Variants in CBLC observed in about 807,000 individuals in gnomAD.
The protein encoded by CBLC is Cbl proto-oncogene C, also known as E3 ubiquitin-protein ligase CBL-C.
CBLC carries 46 observed loss-of-function variants against 58.6 expected under a neutral mutation model. That is an observed-to-expected ratio of 0.79 (90% CI 0.62 to 1.00). The LOEUF is 1.00. Among genes scored for constraint, CBLC ranks in the 50% least tolerant of loss-of-function variants. The pLI is 0.00. For synonymous variants in CBLC, 271 were observed against 264.2 expected, an observed-to-expected ratio of 1.03 and a Z score of -0.25; for missense variants, 655 against 625.8, an observed-to-expected ratio of 1.05 and a Z score of -0.50.
chr19:44,792,334 G>A (rs773047410), intron 6 of CBLC, 49 bp from the exon 7 acceptor site: 21 of 1,605,804 alleles, frequency 1.3e-5, no homozygotes, highest in Middle Eastern at 1.7e-4. Context: ...TTGTGTCCCC[G>A]TGGCTGACGC....
In CBLC at chr19:44,781,012, C is replaced by G; in HGVS notation, c.461C>G (p.Ala154Gly). Residue 154 changes from alanine to glycine, a missense_variant, in exon 2 of 11, where the codon GCC (alanine) becomes GGC (glycine). Physicochemically the swap from Ala to Gly is moderately conservative, Grantham distance 60. Coordinates refer to ENST00000647358, the MANE Select transcript of CBLC (RefSeq NM_012116.4). ...GGACACATGTACCAGCTCACCAAGG[C>G]CCCCGCCCACACCTTCTGGAGGGAA... is the stretch of plus-strand genomic sequence containing the variant. ...YCGHMYQLTKAPAHTFWRESC... is the reference protein window; with the variant it reads ...YCGHMYQLTKGPAHTFWRESC... 6.2e-7 allele frequency: 1 copy of G among 1,613,376 alleles called. No individual in the cohort carries two copies. The highest frequency in any genetic ancestry group is 8.5e-7 in the Non-Finnish European group (1 of 1,179,960).
At chr19:44,791,134 A>G (rs1297920283) in intron 6 of CBLC, among the ~76,000 whole-genome samples, 1 of 151,824 alleles carries the variant, frequency 6.6e-6, no homozygotes, top group Non-Finnish European at 1.5e-5. Context: ...AGAAAAAAAA[A>G]AAGAAAGAAA....
intron 5 of CBLC, among the ~76,000 whole-genome samples, chr19:44,787,010 G>A (rs10426226): frequency 0.1 from 15,221 of 151,968 alleles, 1,182 homozygotes; most frequent in African/African-American, 0.22. Flanking sequence ...GCTTGAACCC[G>A]GGAGGTTGAG....
rs111617296 is a variant in CBLC, at chr19:44,782,557, C to A, written c.779+66C>A. On this transcript the variant is annotated intron_variant, in intron 4 of 10. Coordinates refer to ENST00000647358, the MANE Select transcript of CBLC (RefSeq NM_012116.4). Reference sequence around the variant, plus strand: ...CAGGGATCTGGGCTCTGGGCTGGTGCGTGGTGGAGCCCAGATGTCCTTCCA... The same window carrying A: ...CAGGGATCTGGGCTCTGGGCTGGTGAGTGGTGGAGCCCAGATGTCCTTCCA... 25 of 1,336,548 alleles carry A rather than the reference C, an allele frequency of 1.9e-5. No individual in the cohort carries two copies. In the Admixed American group the frequency reaches 4.1e-4, roughly 22 times the overall value. 82.8% of individuals were successfully genotyped at this position (1,336,548 alleles called of 1,614,324 possible). A position where few individuals can be genotyped will look rare whatever the true frequency, so the allele number is the denominator to read the frequency against.
Position 44,790,001 on chromosome 19 carries a change from C to T in CBLC, c.918-3C>T, listed in dbSNP as rs1195272225. 1 of 1,611,622 alleles carries T rather than the reference C, an allele frequency of 6.2e-7. No homozygotes were observed. Among genetic ancestry groups the T allele is most frequent in the Admixed American group, 1.7e-5 (1 of 59,962 alleles). ...CCAGTCCCCCTCTCTTCCCTTCCCC[C>T]AGCTACCTCTACCCAGATGGAAAGA... On this transcript the variant is annotated splice_polypyrimidine_tract_variant and splice_region_variant and intron_variant, in intron 5 of 10. Coordinates refer to ENST00000647358, the MANE Select transcript of CBLC (RefSeq NM_012116.4).
At chr19:44,799,743 AAG>A (rs201152826) in intron 9 of CBLC, among the ~76,000 whole-genome samples, 13 of 151,426 alleles carry the variant, frequency 8.6e-5, no homozygotes, top group South Asian at 2.1e-4. Flanking sequence ...AGAGAAAGGA[AAG>A]AGAGAGAAAT....
At chr19:44,796,253 T>C (rs1228438682) in intron 9 of CBLC, among the ~76,000 whole-genome samples, 1 of 151,994 alleles carries the variant, frequency 6.6e-6, no homozygotes, top group African/African-American at 2.4e-5. Context: ...CCTCTCCCCA[T>C]TTTCCAGAGG....
chr19:44,782,484 C>G lies in CBLC; in HGVS notation c.772C>G (p.Pro258Ala). The G allele has an allele frequency of 6.2e-7, 1 of 1,613,300 alleles. No individual in the cohort carries two copies. Among genetic ancestry groups the G allele is most frequent in the African/African-American group, 1.3e-5 (1 of 74,970 alleles). ...GCGTCTGCAGGCCTGCAGGGACAAGCCAGGCAGGTAAAGGGTCCAGGGCTC... is the reference window on the plus strand; with the variant it reads ...GCGTCTGCAGGCCTGCAGGGACAAGGCAGGCAGGTAAAGGGTCCAGGGCTC... ...QERLQACRDK[P>A]GSYIFRPSCT... Residue 258 changes from proline (P) to alanine (A), a missense_variant, in exon 4 of 11, where the codon CCA becomes GCA. Transcript: ENST00000647358.
chr19:44,793,914 C>A (rs1968121446), intron 8 of CBLC, among the ~76,000 whole-genome samples: 1 of 151,972 alleles, frequency 6.6e-6, no homozygotes, highest in African/African-American at 2.4e-5. Flanking sequence ...GCCCGGACTC[C>A]TGGGTCTGAG....
chr19:44,781,191 C>T lies in CBLC; in HGVS notation c.501-16C>T, dbSNP rs1967719098. 6.2e-7 allele frequency: 1 copy of T among 1,602,296 alleles called. No homozygotes were observed. The highest frequency in any genetic ancestry group is 8.5e-7 in the Non-Finnish European group (1 of 1,173,326). On this transcript the variant is annotated splice_polypyrimidine_tract_variant and intron_variant, in intron 2 of 10. Transcript: ENST00000647358. The stretch of plus-strand genomic sequence containing the variant: ...GGAGGCCTCAGCGGTGTCTCCCCCA[C>T]CCCTCTCCCACCCAGGTGTGTGCTG...
rs748913 is a variant in CBLC at position 44,800,321 on chromosome 19, G to A, written c.1363-60G>A. On this transcript the variant is annotated intron_variant, in intron 9 of 10. Transcript: ENST00000647358. ...TAAGACAAAGGGGACAGGGAAGAGG[G>A]GCAGAGGGAAAGATTGGATGCCGGG... The A allele has an allele frequency of 2.2e-4, 264 of 1,186,200 alleles. 1 individual carries two copies. Among genetic ancestry groups the A allele is most frequent in the Non-Finnish European group, 4.7e-5 (37 of 791,012 alleles). 73.5% of individuals were successfully genotyped at this position (1,186,200 alleles called of 1,614,324 possible). A position where few individuals can be genotyped will look rare whatever the true frequency, so the allele number is the denominator to read the frequency against.
chr19:44,791,456 G>A (rs899304812), intron 6 of CBLC, among the ~76,000 whole-genome samples: 2 of 152,146 alleles, frequency 1.3e-5, no homozygotes, highest in Admixed American at 6.6e-5. Flanking sequence ...GACATGGCCG[G>A]GCGAGGTGGC....
At chr19:44,786,273 C>G (rs530567020) in intron 5 of CBLC, among the ~76,000 whole-genome samples, 1 of 151,756 alleles carries the variant, frequency 6.6e-6, no homozygotes, top group African/African-American at 2.4e-5. Context: ...ACATAGTAAC[C>G]TTTATGTATG....
intron 1 of CBLC, among the ~76,000 whole-genome samples, chr19:44,780,475 T>TTTTC (rs1967691397): frequency 6.8e-6 from 1 of 146,438 alleles, no homozygotes; most frequent in African/African-American, 2.5e-5. Context: ...TTTAATTTTT[T>TTTTC]TTTTTTTTTT....
intron 1 of CBLC, among the ~76,000 whole-genome samples, chr19:44,780,030 A>G (rs1393011543): frequency 2.0e-5 from 3 of 152,304 alleles, no homozygotes; most frequent in Middle Eastern, 3.4e-3. Flanking sequence ...TGGAAGGCAG[A>G]GCTGACTAGT....
chr19:44,781,044 GGAGCC>G lies in CBLC; in HGVS notation c.494_498del (p.Gly165AlafsTer8). 6.2e-7 allele frequency: 1 copy of G among 1,611,912 alleles called. No individual in the cohort carries two copies. The highest frequency in any genetic ancestry group is 8.5e-7 in the Non-Finnish European group (1 of 1,179,634). ...CCACACCTTCTGGAGGGAAAGTTGC[GGAGCC>G]CGGTGAGTAAGCCCTTGTCCTCAGC... On this transcript the variant is annotated frameshift_variant and splice_region_variant, in exon 2 of 11. Transcript: ENST00000647358. LOFTEE classifies it high-confidence loss of function.
chr19:44,780,325 A>G (rs1186536425), intron 1 of CBLC, among the ~76,000 whole-genome samples: 1 of 151,386 alleles, frequency 6.6e-6, no homozygotes, highest in Non-Finnish European at 1.5e-5. Context: ...TATTAGAGAC[A>G]GGGTTTCACC....
intron 9 of CBLC, among the ~76,000 whole-genome samples, chr19:44,794,736 T>G (rs1968145623): frequency 6.6e-6 from 1 of 152,000 alleles, no homozygotes; most frequent in Admixed American, 6.6e-5. Context: ...GTGCGGGGAT[T>G]ACAGGAGTGA....
chr19:44,786,553 C>T (rs149807603), intron 5 of CBLC, among the ~76,000 whole-genome samples: 2,518 of 150,120 alleles, frequency 0.017, 39 homozygotes, highest in South Asian at 0.046. Flanking sequence ...CGAGATCGTG[C>T]CACTGCACTC....
Sources: allele counts gnomAD v4.1 joint callset (sites outside exome capture counted in the v4.1 genomes callset), GRCh38; gene constraint gnomAD v4.1.1; transcripts MANE v1.5; gene names NCBI Gene and HGNC (gene_info 2026-07-23, HGNC 2026-07-21).